Variants in OBSL1 observed in about 807,000 individuals in gnomAD.
OBSL1 encodes obscurin-like protein 1.
Under a neutral mutation model 172.0 loss-of-function variants are expected in OBSL1, and 160 were observed. That is an observed-to-expected ratio of 0.93 (90% CI 0.82 to 1.06). The LOEUF is 1.06. OBSL1 is among the 50% of genes least tolerant of loss of function. OBSL1 has a pLI of 0.00. For synonymous variants in OBSL1, 1,200 were observed against 1,196.3 expected (o/e 1.00, Z -0.06); for missense variants, 2,681 against 2,715.4 (o/e 0.99, Z 0.28).
Position 219,571,274 on chromosome 2 carries a change from A to AGGGGGGGGGGCG in OBSL1, c.-43_-42insCGCCCCCCCCCC, listed in dbSNP as rs747020402. The AGGGGGGGGGGCG allele has an allele frequency of 2.2e-6, 1 of 461,966 alleles. No homozygotes were observed. Among genetic ancestry groups the AGGGGGGGGGGCG allele is most frequent in the Non-Finnish European group, 2.9e-6 (1 of 343,514 alleles). The allele number at this position is 461,966 out of a possible 1,614,324, so 28.6% of individuals were successfully genotyped here. On this transcript the variant is annotated 5_prime_UTR_variant, in exon 1 of 21. Coordinates refer to ENST00000404537, the MANE Select transcript of OBSL1 (RefSeq NM_015311.3). Reference sequence around the variant, plus strand: ...CTGCAGCGGCGAACGGTGGGGGGGCAGGGGGGGGTGCGGAGGGCGAGCCGA... The same window carrying AGGGGGGGGGGCG: ...CTGCAGCGGCGAACGGTGGGGGGGCAGGGGGGGGGGCGGGGGGGGGTGCGGAGGGCGAGCCGA...
rs199816999 is a variant in OBSL1 at position 219,561,937 on chromosome 2, G to A, written c.2953+465C>T. ...GGGGGGAAGCGGGACCAGAGCCGCC[G>A]GGTCTTCGGCTTTTTCAAGAGGACG... On this transcript the variant is annotated intron_variant, in intron 8 of 20. Coordinates refer to ENST00000404537, the MANE Select transcript of OBSL1 (RefSeq NM_015311.3). 31 of 717,530 alleles carry A rather than the reference G, an allele frequency of 4.3e-5. No homozygotes were observed. The Middle Eastern group carries it at 9.1e-4, about 21-fold the overall frequency. 44.4% of individuals were successfully genotyped at this position (717,530 alleles called of 1,614,324 possible). A position where few individuals can be genotyped will look rare whatever the true frequency, so the allele number is the denominator to read the frequency against.
At position 219,552,276 on chromosome 2, in the gene OBSL1, A is replaced by G. The variant is rs1695673492; in HGVS notation, c.5309-60T>C. ...CACCTCTGAGGAGCGTTGGGGACGA[A>G]GGTGGGGGCCCAGCAGGCCCCTGGG... On this transcript the variant is annotated intron_variant, in intron 18 of 20. Transcript: ENST00000404537. The G allele has an allele frequency of 1.1e-5, 16 of 1,468,998 alleles. No individual in the cohort carries two copies. In the South Asian group the frequency reaches 1.8e-4, roughly 17 times the overall value. 91.0% of individuals were successfully genotyped at this position (1,468,998 alleles called of 1,614,324 possible).
Position 219,553,655 on chromosome 2 carries a change from G to A in OBSL1, c.4908C>T (p.His1636=), listed in dbSNP as rs754529663. 8.1e-6 allele frequency: 13 copies of A among 1,613,764 alleles called. No individual in the cohort carries two copies. Among genetic ancestry groups the A allele is most frequent in the Non-Finnish European group, 1.1e-5 (13 of 1,179,824 alleles). ...TGTCGCCCTCGGTCACCTCTAGGTC[G>A]TGTGGCCCCCGCACGATGGTCACTG... The part of the protein sequence containing the change: ...EVPVTIVRGP[H]DLEVTEGDTA... Residue 1636 remains histidine (H), a synonymous_variant, in exon 16 of 21, where the codon CAC becomes CAT. Transcript: ENST00000404537.
rs1490911331 is a variant in OBSL1, at chr2:219,567,500, G to T, written c.1610C>A (p.Thr537Asn). The change falls in exon 4 of 21, where the codon ACC (threonine) becomes AAC (asparagine). Residue 537 changes from threonine (T) to asparagine (N), a missense_variant. This residue lies in a region of OBSL1 where 706 missense variants were observed against 695.8 expected (regional missense o/e 1.01). Coordinates refer to ENST00000404537, the MANE Select transcript of OBSL1 (RefSeq NM_015311.3). ...GGGAGCTGGCTCGGGAGGCTTCCAG[G>T]TCAACAGGACCGTGTTCTTGTGGCC... ...FKGHKNTVLL[T>N]WKPPEPAPET... 1 of 1,613,588 alleles carries T rather than the reference G, an allele frequency of 6.2e-7. No individual in the cohort carries two copies. Among genetic ancestry groups the T allele is most frequent in the South Asian group, 1.1e-5 (1 of 90,960 alleles).
At chr2:219,565,576 G>T in intron 5 of OBSL1, 62 bp from the exon 6 acceptor site, 1 of 1,517,972 alleles carries the variant, frequency 6.6e-7, no homozygotes, top group Non-Finnish European at 9.0e-7. Context: ...AGTGTCGGAT[G>T]CATCAGAGGG....
intron 1 of OBSL1, among the ~76,000 whole-genome samples, chr2:219,569,784 G>T: frequency 6.6e-6 from 1 of 152,306 alleles, no homozygotes; most frequent in East Asian, 1.9e-4. Context: ...CTCACTGATG[G>T]TTTAGAAGTA....
intron 16 of OBSL1, 149 bp from the exon 17 acceptor site, chr2:219,553,173 C>T: frequency 8.4e-7 from 1 of 1,191,172 alleles, no homozygotes; most frequent in Non-Finnish European, 1.1e-6. Flanking sequence ...GTCGGACTGT[C>T]CCCAAGCCTT....
At position 219,552,683 on chromosome 2, in the gene OBSL1, C is replaced by G. The variant is rs1361311895; in HGVS notation, c.5161G>C (p.Val1721Leu). 4 of 1,533,710 alleles carry G rather than the reference C, an allele frequency of 2.6e-6. No individual in the cohort carries two copies. The South Asian group carries it at 4.8e-5, about 18-fold the overall frequency. The change falls in exon 18 of 21, where the codon GTA becomes CTA. Residue 1721 changes from valine to leucine, a missense_variant. By Grantham distance (32) the Val-to-Leu change is conservative. Coordinates refer to ENST00000404537, the MANE Select transcript of OBSL1 (RefSeq NM_015311.3). ...CTCACCGACCGCAGCTCGGAGAGTA[C>G]CGCCACAGTACGCTCTGGGGCGGAG... ...RLTVRERTVAVLSELRSVSAR... is the reference protein window; with the variant it reads ...RLTVRERTVALLSELRSVSAR...
At chr2:219,549,614 A>G (rs112264227), downstream of OBSL1, 1 of 1,539,086 alleles carries the variant, frequency 6.5e-7, no homozygotes, top group South Asian at 1.2e-5. Context: ...CTCTGGGTCT[A>G]TGGCAGTCTA....
Position 219,565,224 on chromosome 2 carries a change from G to A in OBSL1, c.2407+18C>T. On this transcript the variant is annotated intron_variant, in intron 6 of 20. Transcript: ENST00000404537. ...ATCAGCCTTGGCTGGAGGAGCCCAG[G>A]CTGGCATGCTTCCTGACCTTGGACA... 3.1e-6 allele frequency: 5 copies of A among 1,595,220 alleles called. No individual in the cohort carries two copies. The highest frequency in any genetic ancestry group is 4.3e-6 in the Non-Finnish European group (5 of 1,168,938).
rs376595664 is a variant in OBSL1 at position 219,556,083 on chromosome 2, C to T, written c.4546G>A (p.Asp1516Asn). 13 of 1,613,892 alleles carry T rather than the reference C, an allele frequency of 8.1e-6. No homozygotes were observed. The highest frequency in any genetic ancestry group is 1.6e-4 in the Middle Eastern group (1 of 6,062). ...CTCTCGCAGCCGTAGGTGCCCTGGT[C>T]GGCCAGTATGACACCATGGATGAAG... is the stretch of plus-strand genomic sequence containing the variant. ...RLFIHGVILA[D>N]QGTYGCESHH... The change falls in exon 14 of 21, where the codon GAC (aspartate) becomes AAC (asparagine). Residue 1516 changes from aspartate (D) to asparagine (N), a missense_variant. By Grantham distance (23) the Asp-to-Asn change is conservative. Around this residue, in one of 5 missense-constraint regions of OBSL1, gnomAD observed 1,765 missense variants for 1,748.3 expected, o/e 1.01. Transcript: ENST00000404537.
intron 15 of OBSL1, 177 bp downstream of exon 15, chr2:219,554,271 AGGGGCCACACCCAGGCAGAGGACTCT>A (rs2106015887): frequency 6.2e-6 from 4 of 640,110 alleles, no homozygotes; most frequent in East Asian, 5.5e-5. Flanking sequence ...TTGGGCAGTC[AGGGGCCACACCCAGGCAGAGGACTCT>A]GGGGCCACAC....
rs1697037869 is a variant in OBSL1, at chr2:219,567,947, G to A, written c.1305C>T (p.Pro435=). The change falls in exon 3 of 21, where the codon CCC becomes CCT. Residue 435 remains proline, a synonymous_variant. Transcript: ENST00000404537. Reference sequence around the variant, plus strand: ...CTCCTTCCAGGACGTCGAGCTTCCGGGGCAGGCGCTTCAGGATGGGCCCTG... The same window carrying A: ...CTCCTTCCAGGACGTCGAGCTTCCGAGGCAGGCGCTTCAGGATGGGCCCTG... The part of the protein sequence containing the change: ...TVKGPILKRL[P]RKLDVLEGEN... The A allele has an allele frequency of 3.1e-6, 5 of 1,613,732 alleles. No individual in the cohort carries two copies. In the Admixed American group the frequency reaches 6.7e-5, roughly 22 times the overall value.
chr2:219,569,173 G>A (rs1697158266), intron 1 of OBSL1: 1 of 152,088 alleles, frequency 6.6e-6, no homozygotes, highest in South Asian at 2.1e-4. Context: ...GTGTGTGTAT[G>A]CAACTCGGGG....
Position 219,571,167 on chromosome 2 carries a change from C to A in OBSL1, c.66G>T (p.Arg22=). 6.7e-7 allele frequency: 1 copy of A among 1,482,160 alleles called. No homozygotes were observed. Among genetic ancestry groups the A allele is most frequent in the Non-Finnish European group, 8.9e-7 (1 of 1,119,512 alleles). The allele number at this position is 1,482,160 out of a possible 1,614,324, so 91.8% of individuals were successfully genotyped here. A position where few individuals can be genotyped will look rare whatever the true frequency, so the allele number is the denominator to read the frequency against. The stretch of plus-strand genomic sequence containing the variant: ...GCTCGGCCTCGGCGCCACTTACCAC[C>A]CGCACAGGCCGCGGGAAGCGCAGGA... ...PCFLRFPRPV[R]VVSGAEAELK... The change falls in exon 1 of 21, where the codon CGG becomes CGT. Residue 22 remains arginine, a synonymous_variant. Coordinates refer to ENST00000404537, the MANE Select transcript of OBSL1 (RefSeq NM_015311.3).
At chr2:219,550,170 T>G, downstream of OBSL1, 1 of 266,034 alleles carries the variant, frequency 3.8e-6, no homozygotes, top group East Asian at 7.1e-5. Context: ...GCTGGGACCC[T>G]TGCCTTAGAT....
intron 11 of OBSL1, 88 bp from the exon 12 acceptor site, chr2:219,557,706 G>A (rs1298185671): frequency 6.6e-6 from 10 of 1,524,178 alleles, no homozygotes; most frequent in Admixed American, 4.2e-5. Flanking sequence ...AAGGTACTGA[G>A]AGAAGTGGGG....
At chr2:219,553,172 T>C in intron 16 of OBSL1, 148 bp from the exon 17 acceptor site, 1 of 1,173,176 alleles carries the variant, frequency 8.5e-7, no homozygotes, top group Non-Finnish European at 1.1e-6. Flanking sequence ...GGTCGGACTG[T>C]CCCCAAGCCT....
intron 14 of OBSL1, chr2:219,555,560 G>C (rs1011144601): frequency 4.5e-6 from 4 of 888,098 alleles, no homozygotes; most frequent in Non-Finnish European, 5.4e-6. Flanking sequence ...GATTATAGGC[G>C]TGAGCCACTG....
Sources: gnomAD v4.1 joint callset for allele counts (sites outside exome capture counted in the v4.1 genomes callset) on GRCh38, gnomAD v4.1.1 for gene constraint, gnomAD v4.1.1 regional missense constraint, MANE v1.5 for transcripts, NCBI Gene and HGNC (gene_info 2026-07-23, HGNC 2026-07-21) for gene names.